KCNB2: variants seen among roughly 807,000 people sequenced by gnomAD.
The protein encoded by KCNB2 is potassium voltage-gated channel subfamily B member 2.
A neutral mutation model predicts 61.5 loss-of-function variants in KCNB2; 15 were observed. The observed-to-expected ratio is 0.24, with a 90% CI of 0.16 to 0.38. KCNB2 has a LOEUF of 0.38. Ranked by LOEUF, KCNB2 falls within the 10% of genes least tolerant of loss-of-function variation. The pLI, the probability that KCNB2 is intolerant of heterozygous loss-of-function variation, is 1.00. For synonymous variants in KCNB2, 457 were observed against 446.0 expected, an observed-to-expected ratio of 1.02 and a Z score of -0.31; for missense variants, 828 against 1,125.2, an observed-to-expected ratio of 0.74 and a Z score of 3.78.
intron 2 of KCNB2, among the ~76,000 whole-genome samples, chr8:72,901,539 C>A (rs1409276124): frequency 1.3e-5 from 2 of 151,872 alleles, no homozygotes; most frequent in Non-Finnish European, 2.9e-5. Flanking sequence ...AAGATCACTC[C>A]ACTATAATCT....
intron 2 of KCNB2, among the ~76,000 whole-genome samples, chr8:72,912,790 T>G (rs1025139991): frequency 6.6e-6 from 1 of 152,114 alleles, no homozygotes; most frequent in African/African-American, 2.4e-5. Context: ...GGCTGCATAC[T>G]TAACTGTTAC....
At chr8:72,900,491 C>T (rs960101981) in intron 2 of KCNB2, among the ~76,000 whole-genome samples, 8 of 152,076 alleles carry the variant, frequency 5.3e-5, no homozygotes, top group Non-Finnish European at 7.4e-5. Context: ...CAAAAATTGA[C>T]ATGTGGAACT....
intron 2 of KCNB2, among the ~76,000 whole-genome samples, chr8:72,834,970 AG>A (rs1171389124): frequency 2.6e-5 from 4 of 152,204 alleles, no homozygotes; most frequent in African/African-American, 9.7e-5. Flanking sequence ...AGCAGGAGGA[AG>A]GGGATAGGGT....
At chr8:72,886,234 A>G (rs1199428062) in intron 2 of KCNB2, among the ~76,000 whole-genome samples, 1 of 152,120 alleles carries the variant, frequency 6.6e-6, no homozygotes, top group Non-Finnish European at 1.5e-5. Context: ...GGCACCCTGC[A>G]GCCTTCCCCA....
In KCNB2 at chr8:72,857,600, T is replaced by C. The variant is rs201122132; in HGVS notation, c.580-78335T>C. Reference sequence around the variant, plus strand: ...TAAAAAGAGTGGCAGAGTGCCTGCCTGGAGATGGAGGTTGGTAGATGAAGT... The same window carrying C: ...TAAAAAGAGTGGCAGAGTGCCTGCCCGGAGATGGAGGTTGGTAGATGAAGT... On this transcript the variant is annotated intron_variant, in intron 2 of 2. Transcript: ENST00000523207. 6.0e-5 allele frequency among the ~76,000 whole-genome samples: 9 copies of C among 150,936 alleles called. No individual in the cohort carries two copies. In the East Asian group the frequency reaches 1.7e-3, roughly 29 times the overall value.
intron 2 of KCNB2, among the ~76,000 whole-genome samples, chr8:72,623,580 A>C (rs1271439025): frequency 6.6e-6 from 1 of 152,238 alleles, no homozygotes; most frequent in Admixed American, 6.5e-5. Context: ...GAAGGTGGAT[A>C]GGTTATCAGG....
intron 2 of KCNB2, among the ~76,000 whole-genome samples, chr8:72,811,703 C>T (rs1809308761): frequency 6.6e-6 from 1 of 152,078 alleles, no homozygotes; most frequent in Non-Finnish European, 1.5e-5. Context: ...TGCAGTGTGG[C>T]CATTCCAACA....
At chr8:72,920,473 C>CTATCTATCTA (rs1406310738) in intron 2 of KCNB2, among the ~76,000 whole-genome samples, 6 of 78,800 alleles carry the variant, frequency 7.6e-5, no homozygotes, top group African/African-American at 2.3e-4. Context: ...ATCTATCTAT[C>CTATCTATCTA]TATATATATA....
intron 2 of KCNB2, among the ~76,000 whole-genome samples, chr8:72,669,672 C>G (rs1440415435): frequency 6.6e-6 from 1 of 152,134 alleles, no homozygotes; most frequent in Non-Finnish European, 1.5e-5. Flanking sequence ...GACTGTAGTA[C>G]TTTTAAGTAA....
intron 2 of KCNB2, among the ~76,000 whole-genome samples, chr8:72,667,861 A>G (rs759853482): frequency 8.5e-5 from 13 of 152,220 alleles, no homozygotes; most frequent in Admixed American, 7.9e-4. Context: ...CGTAAACTCC[A>G]TAACCTTTAG....
In KCNB2 at chr8:72,626,094, A is replaced by G. The variant is rs974354784; in HGVS notation, c.579+57781A>G. Among the ~76,000 whole-genome samples, 6 of 152,338 alleles carry G rather than the reference A, an allele frequency of 3.9e-5. 1 individual carries two copies. On this transcript the variant is annotated intron_variant, in intron 2 of 2. Transcript: ENST00000523207. Reference sequence around the variant, plus strand: ...AACCTAGGATTCATTCAGCATTTTCAGAAGATCAAAGTCACATTCATGAAC... The same window carrying G: ...AACCTAGGATTCATTCAGCATTTTCGGAAGATCAAAGTCACATTCATGAAC...
chr8:72,682,286 G>A (rs536292658), intron 2 of KCNB2, among the ~76,000 whole-genome samples: 63 of 152,156 alleles, frequency 4.1e-4, no homozygotes, highest in Non-Finnish European at 8.2e-4. Context: ...ATGACTTACT[G>A]GGTGGCTATA....
At chr8:72,820,455 G>T (rs553029273) in intron 2 of KCNB2, among the ~76,000 whole-genome samples, 1 of 152,162 alleles carries the variant, frequency 6.6e-6, no homozygotes, top group South Asian at 2.1e-4. Context: ...CCTCAATCAT[G>T]TTCAGAGTGG....
chr8:72,903,315 C>T (rs1451602126), intron 2 of KCNB2, among the ~76,000 whole-genome samples: 1 of 152,094 alleles, frequency 6.6e-6, no homozygotes, highest in Admixed American at 6.5e-5. Context: ...GAGGTTGAGT[C>T]CTGGCAGGGA....
intron 2 of KCNB2, among the ~76,000 whole-genome samples, chr8:72,667,006 T>TGTGTGA (rs141712140): frequency 5.7e-4 from 84 of 147,936 alleles, no homozygotes; most frequent in African/African-American, 1.8e-3. Flanking sequence ...TGTGTGTGTG[T>TGTGTGA]GAGAGAGAGA....
At chr8:72,898,443 TA>T (rs140641052) in intron 2 of KCNB2, among the ~76,000 whole-genome samples, 5,856 of 151,166 alleles carry the variant, frequency 0.039, 400 homozygotes, top group African/African-American at 0.13. Context: ...AAATATAATT[TA>T]AAAAAAGAAA....
At chr8:72,698,180 C>A (rs116728031) in intron 2 of KCNB2, among the ~76,000 whole-genome samples, 1,618 of 152,090 alleles carry the variant, frequency 0.011, 30 homozygotes, top group African/African-American at 0.035. Context: ...AATCAGTGTG[C>A]AAAAATCAGT....
chr8:72,628,784 G>A lies in KCNB2; in HGVS notation c.579+60471G>A, dbSNP rs73688725. 2.4e-3 allele frequency among the ~76,000 whole-genome samples: 372 copies of A among 152,304 alleles called. 1 individual carries two copies. Among genetic ancestry groups the A allele is most frequent in the African/African-American group, 8.5e-3 (355 of 41,556 alleles). On this transcript the variant is annotated intron_variant, in intron 2 of 2. Coordinates refer to ENST00000523207, the MANE Select transcript of KCNB2 (RefSeq NM_004770.3). Reference sequence around the variant, plus strand: ...GCCCACCTCCTTGCACACATCTGCTGCTGAATAACATCCAAATGAGAGCCT... The same window carrying A: ...GCCCACCTCCTTGCACACATCTGCTACTGAATAACATCCAAATGAGAGCCT...
intron 2 of KCNB2, among the ~76,000 whole-genome samples, chr8:72,666,562 G>T (rs1806476111): frequency 6.6e-6 from 1 of 152,040 alleles, no homozygotes; most frequent in Non-Finnish European, 1.5e-5. Context: ...TTAGGAAGCA[G>T]TATTCTGTGG....
Sources: gnomAD v4.1 joint callset for allele counts (sites outside exome capture counted in the v4.1 genomes callset) on GRCh38, gnomAD v4.1.1 for gene constraint, MANE v1.5 for transcripts, NCBI Gene and HGNC (gene_info 2026-07-23, HGNC 2026-07-21) for gene names.